SLC12A8: variants seen among roughly 807,000 people sequenced by gnomAD.
SLC12A8 encodes the protein cation-chloride cotransporter 9.
In SLC12A8, 69 loss-of-function variants were observed where a neutral mutation model predicts 75.6. That is an observed-to-expected ratio of 0.91 (90% CI 0.75 to 1.11). The LOEUF is 1.11. SLC12A8 is among the 50% of genes most tolerant of loss of function. The pLI, the probability that SLC12A8 is intolerant of heterozygous loss-of-function variation, is 0.00. For missense variants in SLC12A8, 877 were observed against 896.7 expected (o/e 0.98, Z 0.28); for synonymous variants, 365 against 372.8 (o/e 0.98, Z 0.24).
intron 6 of SLC12A8, among the ~76,000 whole-genome samples, chr3:125,129,919 C>T (rs747438737): frequency 6.6e-6 from 1 of 152,208 alleles, no homozygotes; most frequent in Admixed American, 6.5e-5. Context: ...GACGGCCCAA[C>T]TCTGGCCACT....
intron 2 of SLC12A8, among the ~76,000 whole-genome samples, chr3:125,210,760 AT>A (rs1935321184): frequency 6.6e-6 from 1 of 152,140 alleles, no homozygotes; most frequent in South Asian, 2.1e-4. Flanking sequence ...ATGGTTTATT[AT>A]TATTATTATT....
intron 5 of SLC12A8, among the ~76,000 whole-genome samples, chr3:125,149,687 G>A (rs532469572): frequency 2.0e-5 from 3 of 152,140 alleles, no homozygotes; most frequent in Non-Finnish European, 4.4e-5. Flanking sequence ...ATTCAGGCCA[G>A]GAAGGGAGAG....
intron 8 of SLC12A8, among the ~76,000 whole-genome samples, chr3:125,113,186 C>T (rs1489533684): frequency 6.6e-6 from 1 of 152,180 alleles, no homozygotes; most frequent in African/African-American, 2.4e-5. Context: ...TGGTGGCTTC[C>T]ATCTTTGGCC....
intron 5 of SLC12A8, among the ~76,000 whole-genome samples, chr3:125,173,195 C>CA (rs1934443653): frequency 6.6e-6 from 1 of 151,812 alleles, no homozygotes; most frequent in South Asian, 2.1e-4. Context: ...AACAAACAAA[C>CA]AAAGAAACCA....
intron 5 of SLC12A8, among the ~76,000 whole-genome samples, chr3:125,173,708 G>A (rs1413937297): frequency 6.6e-6 from 1 of 152,162 alleles, no homozygotes; most frequent in African/African-American, 2.4e-5. Flanking sequence ...TTAAAAGAAT[G>A]AAAGAACCAA....
intron 5 of SLC12A8, among the ~76,000 whole-genome samples, chr3:125,153,259 A>C (rs1291641533): frequency 2.6e-5 from 4 of 152,174 alleles, no homozygotes; most frequent in Non-Finnish European, 5.9e-5. Context: ...AACGGCAATA[A>C]TATGGGATTC....
chr3:125,139,680 T>C (rs1371197343), intron 5 of SLC12A8, among the ~76,000 whole-genome samples: 1 of 152,180 alleles, frequency 6.6e-6, no homozygotes, highest in Non-Finnish European at 1.5e-5. Context: ...GAGGCACTCA[T>C]GTCTCTGACT....
chr3:125,138,852 AC>A (rs1933558720), intron 5 of SLC12A8, among the ~76,000 whole-genome samples: 2 of 66,688 alleles, frequency 3.0e-5, no homozygotes, highest in Non-Finnish European at 3.6e-5. Flanking sequence ...CAAAACACAC[AC>A]ACACACACAC....
intron 5 of SLC12A8, among the ~76,000 whole-genome samples, chr3:125,161,040 G>A (rs1182713838): frequency 6.6e-6 from 1 of 152,228 alleles, no homozygotes; most frequent in Non-Finnish European, 1.5e-5. Context: ...TCACAGGGCA[G>A]TGAGTCTACT....
At position 125,177,837 on chromosome 3, in the gene SLC12A8, G is replaced by A; in HGVS notation, c.528C>T (p.Val176=). Residue 176 remains valine (V), a synonymous_variant, in exon 5 of 14, where the codon GTC becomes GTT. Coordinates refer to ENST00000469902, the MANE Select transcript of SLC12A8 (RefSeq NM_024628.6). ...LALLGINLAG[V]KWIIRLQLLL... The stretch of plus-strand genomic sequence containing the variant: ...GCAGCTGGAGGCGGATTATCCATTT[G>A]ACACCTGCGAGGTTAATGCCCAGCA... The A allele has an allele frequency of 6.2e-7, 1 of 1,614,152 alleles. No individual in the cohort carries two copies. The highest frequency in any genetic ancestry group is 8.5e-7 in the Non-Finnish European group (1 of 1,180,036).
At chr3:125,111,328 G>T (rs1939181929) in intron 8 of SLC12A8, among the ~76,000 whole-genome samples, 4 of 152,132 alleles carry the variant, frequency 2.6e-5, no homozygotes, top group Admixed American at 2.6e-4. Flanking sequence ...AAAAGATCAG[G>T]GTCCAAGATG....
At chr3:125,203,410 A>C (rs1208550112) in intron 2 of SLC12A8, among the ~76,000 whole-genome samples, 1 of 152,212 alleles carries the variant, frequency 6.6e-6, no homozygotes, top group Non-Finnish European at 1.5e-5. Context: ...AAAGGAACAG[A>C]ATAGAGAATC....
At chr3:125,097,118 C>T (rs1444887809) in intron 10 of SLC12A8, among the ~76,000 whole-genome samples, 1 of 152,164 alleles carries the variant, frequency 6.6e-6, no homozygotes, top group Non-Finnish European at 1.5e-5. Context: ...GGCACAGTGG[C>T]TCACACCTGT....
At chr3:125,120,919 C>T (rs1001965323) in intron 6 of SLC12A8, 16 of 688,902 alleles carry the variant, frequency 2.3e-5, no homozygotes, top group Non-Finnish European at 3.9e-5. Context: ...GAGGAAAGCC[C>T]TCCCAGCTCC....
intron 4 of SLC12A8, among the ~76,000 whole-genome samples, chr3:125,186,149 A>T (rs1934777544): frequency 7.0e-6 from 1 of 143,392 alleles, no homozygotes; most frequent in South Asian, 2.2e-4. Flanking sequence ...ATAGCAGAGA[A>T]GTAAAAAAAA....
intron 5 of SLC12A8, among the ~76,000 whole-genome samples, chr3:125,141,689 G>A (rs954777712): frequency 1.2e-4 from 18 of 149,164 alleles, no homozygotes; most frequent in Non-Finnish European, 2.6e-4. Context: ...CGGGCTGCGG[G>A]CTGCGGGCTG....
intron 5 of SLC12A8, 26 bp downstream of exon 5, chr3:125,177,717 C>T: frequency 6.3e-7 from 1 of 1,580,358 alleles, no homozygotes; most frequent in Non-Finnish European, 8.7e-7. Context: ...TCCATAAGGC[C>T]ACATACTGGA....
chr3:125,149,302 C>T (rs1179696533), intron 5 of SLC12A8, among the ~76,000 whole-genome samples: 1 of 152,234 alleles, frequency 6.6e-6, no homozygotes, highest in Non-Finnish European at 1.5e-5. Context: ...AAGCCAAAGC[C>T]AGCAAATGAG....
intron 5 of SLC12A8, among the ~76,000 whole-genome samples, chr3:125,137,920 C>T (rs973769593): frequency 1.3e-5 from 2 of 150,238 alleles, no homozygotes; most frequent in African/African-American, 4.9e-5. Flanking sequence ...GACACACGCT[C>T]ACGCTCACAC....
Sources: gnomAD v4.1 joint callset for allele counts (sites outside exome capture counted in the v4.1 genomes callset) on GRCh38, gnomAD v4.1.1 for gene constraint, MANE v1.5 for transcripts, NCBI Gene and HGNC (gene_info 2026-07-23, HGNC 2026-07-21) for gene names.